The following TTC27 variants were observed in gnomAD, a reference collection of about 807,000 sequenced individuals.
TTC27 encodes tetratricopeptide repeat domain 27, also known as tetratricopeptide repeat protein 27.
A neutral mutation model predicts 115.9 loss-of-function variants in TTC27; 79 were observed. The ratio of observed to expected loss-of-function variants is 0.68; its 90% CI spans 0.57 to 0.82. TTC27 has a LOEUF of 0.82. Ranked by LOEUF, TTC27 falls within the 40% of genes least tolerant of loss-of-function variation. The pLI is 0.00. For missense variants in TTC27, 1,054 were observed against 993.1 expected, an observed-to-expected ratio of 1.06 and a Z score of -0.82; for synonymous variants, 401 against 356.0, an observed-to-expected ratio of 1.13 and a Z score of -1.42.
intron 9 of TTC27, among the ~76,000 whole-genome samples, chr2:32,696,972 G>T (rs757301972): frequency 3.3e-5 from 5 of 152,132 alleles, no homozygotes; most frequent in Non-Finnish European, 7.4e-5. Context: ...GCCAAGGTGG[G>T]CTCATTGCTT....
chr2:32,660,677 T>G (rs540774874), intron 5 of TTC27, among the ~76,000 whole-genome samples: 2 of 152,124 alleles, frequency 1.3e-5, no homozygotes, highest in Admixed American at 1.3e-4. Flanking sequence ...AGCCCTTTGT[T>G]AGATGGGTAG....
intron 19 of TTC27, among the ~76,000 whole-genome samples, chr2:32,818,777 A>G (rs1450670812): frequency 1.3e-5 from 2 of 152,136 alleles, no homozygotes; most frequent in African/African-American, 2.4e-5. Context: ...CAGGGAGGCC[A>G]TTTCTGAATA....
chr2:32,694,459 C>T (rs1666916856), intron 9 of TTC27, among the ~76,000 whole-genome samples: 1 of 152,050 alleles, frequency 6.6e-6, no homozygotes, highest in Admixed American at 6.6e-5. Context: ...AATCCCGGCA[C>T]TTTGGGAGGC....
chr2:32,689,574 T>A (rs1666747954), intron 9 of TTC27, among the ~76,000 whole-genome samples: 1 of 152,158 alleles, frequency 6.6e-6, no homozygotes, highest in Non-Finnish European at 1.5e-5. Flanking sequence ...GTTTTCCCCA[T>A]ATATTTTTGG....
chr2:32,730,155 A>G (rs1668244881), intron 10 of TTC27, among the ~76,000 whole-genome samples: 1 of 152,238 alleles, frequency 6.6e-6, no homozygotes, highest in African/African-American at 2.4e-5. Flanking sequence ...ATTTGGGCAC[A>G]TGGTTTGCTT....
chr2:32,692,990 AT>A (rs1666868162), intron 9 of TTC27, among the ~76,000 whole-genome samples: 1 of 151,852 alleles, frequency 6.6e-6, no homozygotes, highest in Non-Finnish European at 1.5e-5. Flanking sequence ...AAAAAAAAAA[AT>A]CTATAAAACA....
chr2:32,690,415 A>G (rs1666770846), intron 9 of TTC27, among the ~76,000 whole-genome samples: 1 of 152,194 alleles, frequency 6.6e-6, no homozygotes, highest in African/African-American at 2.4e-5. Flanking sequence ...GGTCAGAGAA[A>G]TTTATGAAAC....
At chr2:32,670,189 T>G (rs1184483628) in intron 7 of TTC27, among the ~76,000 whole-genome samples, 3 of 152,104 alleles carry the variant, frequency 2.0e-5, no homozygotes, top group Non-Finnish European at 4.4e-5. Context: ...CTGTCTAGCT[T>G]CATTTGGCTC....
At chr2:32,793,467 C>A (rs190835517) in intron 16 of TTC27, among the ~76,000 whole-genome samples, 7 of 152,152 alleles carry the variant, frequency 4.6e-5, no homozygotes, top group African/African-American at 1.7e-4. Flanking sequence ...AAATAAAAAT[C>A]TCAATAAAGA....
intron 13 of TTC27, among the ~76,000 whole-genome samples, chr2:32,768,715 A>T (rs141636782): frequency 1.1e-4 from 16 of 152,358 alleles, no homozygotes; most frequent in African/African-American, 3.6e-4. Context: ...TGGGTGAGTT[A>T]TCAGTGGCTT....
intron 13 of TTC27, among the ~76,000 whole-genome samples, chr2:32,759,657 C>G (rs1427437060): frequency 6.6e-6 from 1 of 152,188 alleles, no homozygotes; most frequent in African/African-American, 2.4e-5. Flanking sequence ...CATTGTTGGG[C>G]AACCAATCTC....
intron 4 of TTC27, among the ~76,000 whole-genome samples, chr2:32,644,591 CT>C (rs962232484): frequency 6.6e-6 from 1 of 151,700 alleles, no homozygotes; most frequent in African/African-American, 2.4e-5. Flanking sequence ...TTGCCTTTTT[CT>C]TTTTCTTTTT....
At chr2:32,732,928 T>C (rs1448106807) in intron 10 of TTC27, among the ~76,000 whole-genome samples, 1 of 152,044 alleles carries the variant, frequency 6.6e-6, no homozygotes, top group Non-Finnish European at 1.5e-5. Flanking sequence ...CAGTTGAGAG[T>C]AGGTATAAGT....
At chr2:32,673,186 T>C (rs1342353242) in intron 8 of TTC27, among the ~76,000 whole-genome samples, 1 of 151,954 alleles carries the variant, frequency 6.6e-6, no homozygotes, top group East Asian at 1.9e-4. Context: ...TTTGAGTTTG[T>C]CTGATTTTTT....
At chr2:32,741,807 T>G (rs1393511352) in intron 12 of TTC27, among the ~76,000 whole-genome samples, 1 of 152,156 alleles carries the variant, frequency 6.6e-6, no homozygotes, top group Non-Finnish European at 1.5e-5. Context: ...GCAATCTCCA[T>G]GTAGGACACT....
At chr2:32,743,923 G>C (rs1668731453) in intron 12 of TTC27, among the ~76,000 whole-genome samples, 1 of 152,128 alleles carries the variant, frequency 6.6e-6, no homozygotes, top group East Asian at 1.9e-4. Context: ...TTTCTGTTTA[G>C]TATCTGAAGG....
At chr2:32,813,767 T>C (rs57945515) in intron 18 of TTC27, among the ~76,000 whole-genome samples, 89 of 152,356 alleles carry the variant, frequency 5.8e-4, no homozygotes, top group African/African-American at 2.0e-3. Context: ...AATTCTACTT[T>C]TGACCTTTGA....
At chr2:32,731,980 A>G (rs1668306997) in intron 10 of TTC27, among the ~76,000 whole-genome samples, 1 of 151,936 alleles carries the variant, frequency 6.6e-6, no homozygotes, top group African/African-American at 2.4e-5. Context: ...TTTGCATGTT[A>G]TTAGGTGTTA....
intron 7 of TTC27, 63 bp downstream of exon 7, chr2:32,666,831 A>G: frequency 3.2e-6 from 5 of 1,559,038 alleles, no homozygotes; most frequent in Non-Finnish European, 4.4e-6. Context: ...TCAATAGCTG[A>G]GTACCATAGA....
Sources: gnomAD v4.1 joint callset for allele counts (sites outside exome capture counted in the v4.1 genomes callset) on GRCh38, gnomAD v4.1.1 for gene constraint, MANE v1.5 for transcripts, NCBI Gene and HGNC (gene_info 2026-07-23, HGNC 2026-07-21) for gene names.